Variants in PRKN observed in about 807,000 individuals in gnomAD.
The protein encoded by PRKN is E3 ubiquitin-protein ligase parkin.
Under a neutral mutation model 59.5 loss-of-function variants are expected in PRKN, and 56 were observed. The ratio of observed to expected loss-of-function variants is 0.94; its 90% CI spans 0.76 to 1.18. The LOEUF is 1.18. Among genes scored for constraint, PRKN ranks in the 50% most tolerant of loss-of-function variants. The probability of loss-of-function intolerance (pLI) is 0.00; values close to 1 mark genes in which losing one functional copy is unlikely to be tolerated. For synonymous variants in PRKN, 250 were observed against 222.1 expected (o/e 1.13, Z -1.12); for missense variants, 657 against 596.4 (o/e 1.10, Z -1.06).
rs552163563 is a variant in PRKN at position 161,558,398 on chromosome 6, CAAAAAATTA to C, written c.934-9404_934-9396del. 3.9e-3 allele frequency among the ~76,000 whole-genome samples: 587 copies of C among 151,776 alleles called. 2 individuals carry two copies. The highest frequency in any genetic ancestry group is 0.014 in the African/African-American group (566 of 41,344). On this transcript the variant is annotated intron_variant, in intron 8 of 11. Transcript: ENST00000366898. ...GCAACACAGCAAGACCCCATTTCGA[CAAAAAATTA>C]AAAAAAAATTACCTGGGCATGGTGG...
rs1057173960 is a variant in PRKN, at chr6:161,444,899, T to C, written c.1084-58022A>G. ...CTGTTTTGCTAAGGTATGTAATAGT[T>C]ATTTATTTTTAAAAAAAGCCAGTAC... On this transcript the variant is annotated intron_variant, in intron 9 of 11. Transcript: ENST00000366898. This position sits in a 1 kb window ranked among gnomAD's most constrained non-coding sequence, Gnocchi z 5.6. Among the ~76,000 whole-genome samples, 1 of 152,028 alleles carries C rather than the reference T, an allele frequency of 6.6e-6. No individual in the cohort carries two copies. The highest frequency in any genetic ancestry group is 1.5e-5 in the Non-Finnish European group (1 of 68,032).
chr6:161,594,219 A>C (rs1781832871), intron 7 of PRKN, among the ~76,000 whole-genome samples: 1 of 152,120 alleles, frequency 6.6e-6, no homozygotes, highest in Admixed American at 6.5e-5. Flanking sequence ...TCTATTTACA[A>C]ATCAATTTAA....
At position 161,593,648 on chromosome 6, in the gene PRKN, G is replaced by T. The variant is rs1781806953; in HGVS notation, c.872-24232C>A. The stretch of plus-strand genomic sequence containing the variant: ...GGTTGCGCTGCCACTTTTATCCTGA[G>T]GAACCGGCTGGACAGTGGTGCCTTC... On this transcript the variant is annotated intron_variant, in intron 7 of 11. Transcript: ENST00000366898. This position sits in a 1 kb window ranked among gnomAD's most constrained non-coding sequence, Gnocchi z 4.8. Among the ~76,000 whole-genome samples, 2 of 152,168 alleles carry T rather than the reference G, an allele frequency of 1.3e-5. No individual in the cohort carries two copies. Among genetic ancestry groups the T allele is most frequent in the Non-Finnish European group, 2.9e-5 (2 of 68,038 alleles).
rs970034735 is a variant in PRKN at position 162,615,706 on chromosome 6, G to C, written c.7+111956C>G. Among the ~76,000 whole-genome samples the C allele has an allele frequency of 2.2e-4, 33 of 152,148 alleles. 1 individual carries two copies. The highest frequency in any genetic ancestry group is 2.2e-3 in the Admixed American group (33 of 15,264). On this transcript the variant is annotated intron_variant, in intron 1 of 11. Transcript: ENST00000366898. ...TTCCACCATTAATTAATTATCAAATGTGCCAGCATTGAGATCTGCTTTACA... is the reference window on the plus strand; with the variant it reads ...TTCCACCATTAATTAATTATCAAATCTGCCAGCATTGAGATCTGCTTTACA...
intron 4 of PRKN, among the ~76,000 whole-genome samples, chr6:162,072,385 G>C (rs557552588): frequency 6.6e-6 from 1 of 152,326 alleles, no homozygotes; most frequent in Admixed American, 6.5e-5. Context: ...GTTTTAAGCT[G>C]AGAGCAGAGG....
At chr6:161,930,536 G>A (rs774728984) in intron 6 of PRKN, among the ~76,000 whole-genome samples, 9 of 152,282 alleles carry the variant, frequency 5.9e-5, no homozygotes, top group African/African-American at 9.6e-5. Flanking sequence ...TGAGTACCTC[G>A]TTGTAATACT....
chr6:161,834,408 G>A (rs543040840), intron 6 of PRKN, among the ~76,000 whole-genome samples: 2 of 152,190 alleles, frequency 1.3e-5, no homozygotes, highest in African/African-American at 4.8e-5. Flanking sequence ...AAAGACTAGA[G>A]TACACAGCCC....
chr6:162,430,757 C>T (rs1163722972), intron 2 of PRKN, among the ~76,000 whole-genome samples: 2 of 152,088 alleles, frequency 1.3e-5, no homozygotes, highest in Non-Finnish European at 2.9e-5. Flanking sequence ...GAATCTAGTA[C>T]AGTCCTCTCT....
intron 6 of PRKN, among the ~76,000 whole-genome samples, chr6:161,910,546 C>A (rs1252759003): frequency 1.3e-5 from 2 of 152,044 alleles, no homozygotes; most frequent in Non-Finnish European, 2.9e-5. Context: ...TGAGCCACTG[C>A]GCCCGGCTGA....
At chr6:162,635,468 TTA>T (rs1777672592) in intron 1 of PRKN, among the ~76,000 whole-genome samples, 1 of 152,218 alleles carries the variant, frequency 6.6e-6, no homozygotes, top group Admixed American at 6.5e-5. Context: ...TTGCTTGATT[TTA>T]TATGAGACTG....
chr6:162,259,905 G>C (rs1779814453), intron 3 of PRKN, among the ~76,000 whole-genome samples: 1 of 152,192 alleles, frequency 6.6e-6, no homozygotes. Context: ...ATAAGGGAGA[G>C]TCCTAAGAGT....
chr6:162,264,465 C>T (rs1048228695), intron 2 of PRKN, among the ~76,000 whole-genome samples: 2 of 149,512 alleles, frequency 1.3e-5, no homozygotes, highest in Admixed American at 1.3e-4. Context: ...CAATGTCCCT[C>T]GAACAGTGGT....
At chr6:161,889,374 A>G (rs1282604262) in intron 6 of PRKN, among the ~76,000 whole-genome samples, 1 of 152,222 alleles carries the variant, frequency 6.6e-6, no homozygotes, top group Non-Finnish European at 1.5e-5. Context: ...TATTGAGTAA[A>G]TGCTCAAATA....
In PRKN at chr6:161,819,107, G is replaced by A. The variant is rs911727080; in HGVS notation, c.735-33199C>T. On this transcript the variant is annotated intron_variant, in intron 6 of 11. Coordinates refer to ENST00000366898, the MANE Select transcript of PRKN (RefSeq NM_004562.3). ...GCCCAAATGAACAGTATTGATAAAT[G>A]GAAATTTCATTTCTCATAGAGTCCT... is the stretch of plus-strand genomic sequence containing the variant. 2.6e-5 allele frequency among the ~76,000 whole-genome samples: 4 copies of A among 152,092 alleles called. 1 individual carries two copies. The highest frequency in any genetic ancestry group is 9.7e-5 in the African/African-American group (4 of 41,392).
intron 7 of PRKN, among the ~76,000 whole-genome samples, chr6:161,740,170 C>T (rs1285237819): frequency 6.6e-6 from 1 of 152,178 alleles, no homozygotes. Flanking sequence ...ATTGTGCAGC[C>T]TTTTCAAAGG....
intron 9 of PRKN, among the ~76,000 whole-genome samples, chr6:161,522,275 G>A (rs976050549): frequency 1.1e-4 from 16 of 152,226 alleles, no homozygotes. Flanking sequence ...ACCGATGACA[G>A]GCGAGGGAGG....
At chr6:162,589,342 C>A (rs188772402) in intron 1 of PRKN, among the ~76,000 whole-genome samples, 4 of 151,874 alleles carry the variant, frequency 2.6e-5, no homozygotes, top group Non-Finnish European at 5.9e-5. Flanking sequence ...AAAAATGTTA[C>A]AAGAAATTTA....
intron 4 of PRKN, among the ~76,000 whole-genome samples, chr6:162,080,886 T>G (rs1386563316): frequency 1.3e-5 from 2 of 152,142 alleles, no homozygotes; most frequent in Non-Finnish European, 2.9e-5. Flanking sequence ...CTTGATCATC[T>G]AAGTTTATTT....
Position 161,661,789 on chromosome 6 carries a change from G to A in PRKN, c.872-92373C>T, listed in dbSNP as rs534789616. Among the ~76,000 whole-genome samples the A allele has an allele frequency of 2.1e-3, 325 of 152,258 alleles. 2 individuals are homozygous for A. The highest frequency in any genetic ancestry group is 7.4e-3 in the African/African-American group (307 of 41,556). ...TGTAATCACAGCACTTTGGGAGGCC[G>A]ACGTGGGAGGATCACCTGAGGTCAG... On this transcript the variant is annotated intron_variant, in intron 7 of 11. Coordinates refer to ENST00000366898, the MANE Select transcript of PRKN (RefSeq NM_004562.3).
Sources: gnomAD v4.1 joint callset for allele counts (sites outside exome capture counted in the v4.1 genomes callset) on GRCh38, gnomAD v4.1.1 for gene constraint, Gnocchi (gnomAD v3.1) non-coding constraint, MANE v1.5 for transcripts, NCBI Gene and HGNC (gene_info 2026-07-23, HGNC 2026-07-21) for gene names.